Variants in ZSWIM6 observed in about 807,000 individuals in gnomAD.
The protein encoded by ZSWIM6 is zinc finger SWIM domain-containing protein 6.
A neutral mutation model predicts 113.2 loss-of-function variants in ZSWIM6; 9 were observed. The ratio of observed to expected loss-of-function variants is 0.08; its 90% CI spans 0.05 to 0.14. The LOEUF is 0.14. Ranked by LOEUF, ZSWIM6 falls within the 10% of genes least tolerant of loss-of-function variation. ZSWIM6 has a pLI of 1.00. For synonymous variants in ZSWIM6, 611 were observed against 606.5 expected, an observed-to-expected ratio of 1.01 and a Z score of -0.11; for missense variants, 1,162 against 1,552.2, an observed-to-expected ratio of 0.75 and a Z score of 4.22.
intron 1 of ZSWIM6, among the ~76,000 whole-genome samples, chr5:61,404,901 G>A (rs1485459331): frequency 2.0e-5 from 3 of 152,172 alleles, no homozygotes; most frequent in Non-Finnish European, 4.4e-5. Flanking sequence ...GAGTTATGCA[G>A]GTAATTTTGA....
chr5:61,437,727 A>G (rs1746739748), intron 1 of ZSWIM6, among the ~76,000 whole-genome samples: 1 of 151,466 alleles, frequency 6.6e-6, no homozygotes, highest in Non-Finnish European at 1.5e-5. Context: ...CAAAAAAAAA[A>G]AAAAAAAAAA....
intron 1 of ZSWIM6, among the ~76,000 whole-genome samples, chr5:61,359,518 C>G (rs917947525): frequency 1.3e-5 from 2 of 152,046 alleles, no homozygotes; most frequent in African/African-American, 4.8e-5. Context: ...AGGCGTACAC[C>G]AGGTGAATGA....
At chr5:61,477,947 CAGTG>C (rs1481442943) in intron 2 of ZSWIM6, among the ~76,000 whole-genome samples, 1 of 152,126 alleles carries the variant, frequency 6.6e-6, no homozygotes, top group Non-Finnish European at 1.5e-5. Flanking sequence ...CCAAATCTAC[CAGTG>C]AGTGACAGCT....
chr5:61,502,979 G>A (rs1748514639), intron 4 of ZSWIM6, among the ~76,000 whole-genome samples: 1 of 152,078 alleles, frequency 6.6e-6, no homozygotes, highest in South Asian at 2.1e-4. Context: ...AAAAGGTTGG[G>A]GACTGCTGTA....
chr5:61,406,922 A>G lies in ZSWIM6; in HGVS notation c.677-65759A>G, dbSNP rs528833856. Among the ~76,000 whole-genome samples, 282 of 152,294 alleles carry G rather than the reference A, an allele frequency of 1.9e-3. 1 individual carries two copies. The highest frequency in any genetic ancestry group is 2.8e-3 in the Non-Finnish European group (190 of 68,024). On this transcript the variant is annotated intron_variant, in intron 1 of 13. Coordinates refer to ENST00000252744, the MANE Select transcript of ZSWIM6 (RefSeq NM_020928.2). Reference sequence around the variant, plus strand: ...GAGACGGTGTTTTGCCATGTTGGCCAGGCTGGTCTCGAACTCCTGACTTCA... The same window carrying G: ...GAGACGGTGTTTTGCCATGTTGGCCGGGCTGGTCTCGAACTCCTGACTTCA...
chr5:61,428,813 A>AT (rs1177324894), intron 1 of ZSWIM6, among the ~76,000 whole-genome samples: 3 of 151,940 alleles, frequency 2.0e-5, no homozygotes, highest in Non-Finnish European at 4.4e-5. Context: ...TGTTTTTATT[A>AT]TTTTTTTCTT....
intron 1 of ZSWIM6, among the ~76,000 whole-genome samples, chr5:61,366,504 T>A (rs188099952): frequency 8.8e-4 from 134 of 152,376 alleles, no homozygotes; most frequent in African/African-American, 2.9e-3. Flanking sequence ...AGTTTTTCTC[T>A]TAGCTAATTG....
chr5:61,346,501 T>C (rs1486792910), intron 1 of ZSWIM6, among the ~76,000 whole-genome samples: 1 of 152,240 alleles, frequency 6.6e-6, no homozygotes, highest in Non-Finnish European at 1.5e-5. Flanking sequence ...TAATTTAATA[T>C]GATGCATAGA....
intron 1 of ZSWIM6, among the ~76,000 whole-genome samples, chr5:61,467,969 G>A (rs528596387): frequency 6.6e-6 from 1 of 152,306 alleles, no homozygotes; most frequent in East Asian, 1.9e-4. Flanking sequence ...TGTTATGGGT[G>A]AAAGGGAATG....
At chr5:61,521,972 G>A (rs1749138167) in intron 5 of ZSWIM6, among the ~76,000 whole-genome samples, 1 of 151,998 alleles carries the variant, frequency 6.6e-6, no homozygotes, top group African/African-American at 2.4e-5. Context: ...TTATTGTGAG[G>A]GGTTGTCTAG....
intron 1 of ZSWIM6, among the ~76,000 whole-genome samples, chr5:61,421,065 G>A (rs754239114): frequency 3.4e-4 from 51 of 151,886 alleles, no homozygotes; most frequent in African/African-American, 1.0e-3. Flanking sequence ...AATTACCGGC[G>A]CACCCTGCTC....
At chr5:61,437,120 T>C (rs1746724814) in intron 1 of ZSWIM6, among the ~76,000 whole-genome samples, 1 of 152,120 alleles carries the variant, frequency 6.6e-6, no homozygotes, top group Non-Finnish European at 1.5e-5. Flanking sequence ...GAAAGGGAAG[T>C]GGAGGCACTA....
chr5:61,338,112 T>A (rs1042986681), intron 1 of ZSWIM6, among the ~76,000 whole-genome samples: 1 of 151,908 alleles, frequency 6.6e-6, no homozygotes, highest in Admixed American at 6.6e-5. Flanking sequence ...CATAACATTC[T>A]GGTAAACACA....
At chr5:61,507,302 G>A (rs1222409693) in intron 4 of ZSWIM6, among the ~76,000 whole-genome samples, 1 of 152,156 alleles carries the variant, frequency 6.6e-6, no homozygotes, top group Non-Finnish European at 1.5e-5. Context: ...TTACTGAGAT[G>A]ATTATGTTAA....
intron 1 of ZSWIM6, among the ~76,000 whole-genome samples, chr5:61,440,890 A>G (rs549316342): frequency 6.6e-6 from 1 of 152,216 alleles, no homozygotes. Flanking sequence ...CATATAAACA[A>G]TTCACTATAG....
At chr5:61,405,227 G>T (rs1229591286) in intron 1 of ZSWIM6, among the ~76,000 whole-genome samples, 1 of 151,868 alleles carries the variant, frequency 6.6e-6, no homozygotes, top group Non-Finnish European at 1.5e-5. Context: ...AGATATGGTG[G>T]GTATACTGTA....
At chr5:61,411,305 T>G (rs192662781) in intron 1 of ZSWIM6, among the ~76,000 whole-genome samples, 1 of 152,364 alleles carries the variant, frequency 6.6e-6, no homozygotes, top group East Asian at 1.9e-4. Context: ...TTTTTTAAAC[T>G]TTAATGACAA....
intron 1 of ZSWIM6, among the ~76,000 whole-genome samples, chr5:61,433,662 C>T (rs912611724): frequency 4.6e-5 from 7 of 151,862 alleles, no homozygotes; most frequent in South Asian, 2.1e-4. Flanking sequence ...TTAGTGGAGA[C>T]GGGGTTGCAC....
chr5:61,489,475 A>G (rs1055694458), intron 2 of ZSWIM6, among the ~76,000 whole-genome samples: 5 of 152,102 alleles, frequency 3.3e-5, no homozygotes, highest in Non-Finnish European at 4.4e-5. Flanking sequence ...AGTTTTAAAA[A>G]TTGTGACAAG....
Sources: allele counts gnomAD v4.1 joint callset (sites outside exome capture counted in the v4.1 genomes callset), GRCh38; gene constraint gnomAD v4.1.1; transcripts MANE v1.5; gene names NCBI Gene and HGNC (gene_info 2026-07-23, HGNC 2026-07-21).